The following ARHGAP6 variants were observed in gnomAD, a reference collection of about 807,000 sequenced individuals.
The protein encoded by ARHGAP6 is rho GTPase-activating protein 6.
Under a neutral mutation model 55.7 loss-of-function variants are expected in ARHGAP6, and 16 were observed. The observed-to-expected ratio is 0.29, with a 90% CI of 0.19 to 0.44. The LOEUF (loss-of-function observed/expected upper bound fraction) is 0.44. Among genes scored for constraint, ARHGAP6 ranks in the 20% least tolerant of loss-of-function variants. The probability of loss-of-function intolerance (pLI) is 1.00; values close to 1 mark genes in which losing one functional copy is unlikely to be tolerated. For missense variants in ARHGAP6, 698 were observed against 808.9 expected, an observed-to-expected ratio of 0.86 and a Z score of 1.66; for synonymous variants, 382 against 360.9, an observed-to-expected ratio of 1.06 and a Z score of -0.66.
chrX:11,183,954 TTTCTC>T (rs1045500296), intron 5 of ARHGAP6, among the ~76,000 whole-genome samples: 1 of 111,917 alleles, frequency 8.9e-6, no homozygotes, highest in African/African-American at 3.2e-5. Flanking sequence ...GGTGGCTCAT[TTTCTC>T]TTCATTTGAG....
intron 1 of ARHGAP6, among the ~76,000 whole-genome samples, chrX:11,408,876 T>C (rs1379140632): frequency 3.7e-5 from 4 of 109,116 alleles, no homozygotes; most frequent in Non-Finnish European, 5.7e-5. Flanking sequence ...TTTTTCTAAT[T>C]GAGGAAATTG....
intron 1 of ARHGAP6, among the ~76,000 whole-genome samples, chrX:11,488,379 A>G (rs1003594979): frequency 8.9e-6 from 1 of 112,098 alleles, no homozygotes; most frequent in African/African-American, 3.2e-5. Context: ...TTAGAGAAAA[A>G]GTTCCTTATA....
rs990012107 is a variant in ARHGAP6 at position 11,462,730 on chromosome X, T to C, written c.588+201511A>G. ...GGCTTTACCTGCATGGGATTCAAAT[T>C]TATAATGTTGTGTGGTAAGGATTCT... On this transcript the variant is annotated intron_variant, in intron 1 of 12. Coordinates refer to ENST00000337414, the MANE Select transcript of ARHGAP6 (RefSeq NM_013427.3). Among the ~76,000 whole-genome samples the C allele has an allele frequency of 2.7e-5, 3 of 112,183 alleles. No individual in the cohort carries two copies. In the Admixed American group the frequency reaches 2.8e-4, roughly 11 times the overall value.
intron 1 of ARHGAP6, among the ~76,000 whole-genome samples, chrX:11,364,551 C>A (rs1002751899): frequency 1.8e-5 from 2 of 110,618 alleles, no homozygotes; most frequent in African/African-American, 3.3e-5. Context: ...GGGTAGATGA[C>A]CCATCCCGGC....
intron 1 of ARHGAP6, among the ~76,000 whole-genome samples, chrX:11,326,313 A>G (rs1475233728): frequency 9.0e-6 from 1 of 110,576 alleles, no homozygotes; most frequent in Non-Finnish European, 1.9e-5. Flanking sequence ...GTTTTAGTAG[A>G]AAAAGGATTT....
In ARHGAP6 at chrX:11,276,725, T is replaced by G. The variant is rs377299013; in HGVS notation, c.589-22018A>C. Among the ~76,000 whole-genome samples, 5 of 112,378 alleles carry G rather than the reference T, an allele frequency of 4.4e-5. No homozygotes were observed. The East Asian group carries it at 1.4e-3, about 31-fold the overall frequency. ...TTTCAAAAATGTTTTCTCCTCAATA[T>G]ACGACTTTTAAAATGATAAATTACA... On this transcript the variant is annotated intron_variant, in intron 1 of 12. Transcript: ENST00000337414.
At chrX:11,157,621 G>C (rs1307168005) in intron 9 of ARHGAP6, among the ~76,000 whole-genome samples, 1 of 112,093 alleles carries the variant, frequency 8.9e-6, no homozygotes, top group Non-Finnish European at 1.9e-5. Flanking sequence ...AAACTATTGA[G>C]AGAAAATAAA....
intron 9 of ARHGAP6, 101 bp downstream of exon 9, chrX:11,169,404 G>C (rs2046057948): frequency 1.1e-5 from 9 of 829,950 alleles, no homozygotes; most frequent in Non-Finnish European, 1.3e-5. Context: ...TCAGTGAGCA[G>C]CACTGCACCC....
chrX:11,652,054 T>A (rs1258286700), intron 1 of ARHGAP6, among the ~76,000 whole-genome samples: 1 of 112,393 alleles, frequency 8.9e-6, no homozygotes, highest in South Asian at 3.6e-4. Flanking sequence ...CAGATGCATA[T>A]ATTGCAAAAA....
intron 1 of ARHGAP6, among the ~76,000 whole-genome samples, chrX:11,501,304 C>T (rs1281857214): frequency 9.0e-6 from 1 of 111,378 alleles, no homozygotes; most frequent in Non-Finnish European, 1.9e-5. Flanking sequence ...TACAGAATTA[C>T]CTGGGTGTGA....
intron 2 of ARHGAP6, among the ~76,000 whole-genome samples, chrX:11,213,193 C>T (rs1396446828): frequency 8.8e-6 from 1 of 113,110 alleles, no homozygotes; most frequent in Non-Finnish European, 1.9e-5. Context: ...CACCCTTGCC[C>T]CTTTGGGTGC....
chrX:11,552,334 G>A (rs920745144), intron 1 of ARHGAP6, among the ~76,000 whole-genome samples: 1 of 106,691 alleles, frequency 9.4e-6, no homozygotes, highest in Admixed American at 1.0e-4. Flanking sequence ...ATGTAACTTT[G>A]AACAGCCAAT....
At chrX:11,161,700 G>T (rs758009496) in intron 9 of ARHGAP6, among the ~76,000 whole-genome samples, 44 of 112,277 alleles carry the variant, frequency 3.9e-4, no homozygotes, top group African/African-American at 1.3e-3. Flanking sequence ...AATAAAAGCA[G>T]ATAACATGGA....
intron 10 of ARHGAP6, among the ~76,000 whole-genome samples, chrX:11,145,459 A>G (rs1196036260): frequency 9.0e-6 from 1 of 111,686 alleles, no homozygotes; most frequent in Non-Finnish European, 1.9e-5. Flanking sequence ...TGCTGAGGAC[A>G]TTTCCTACCA....
intron 2 of ARHGAP6, among the ~76,000 whole-genome samples, chrX:11,218,106 T>C (rs2046907714): frequency 8.9e-6 from 1 of 112,165 alleles, no homozygotes; most frequent in Admixed American, 9.5e-5. Flanking sequence ...GCTGTTTTGG[T>C]TACTGTAGCC....
At position 11,346,922 on chromosome X, in the gene ARHGAP6, AAAACAAAC is replaced by A. The variant is rs762899705; in HGVS notation, c.589-92223_589-92216del. Among the ~76,000 whole-genome samples the A allele has an allele frequency of 2.1e-3, 232 of 108,354 alleles. 1 individual carries two copies. The highest frequency in any genetic ancestry group is 5.7e-3 in the East Asian group (20 of 3,503). The allele number at this position is 108,354 out of a possible 115,157, so 94.1% of individuals were successfully genotyped here. A position where few individuals can be genotyped will look rare whatever the true frequency, so the allele number is the denominator to read the frequency against. Reference sequence around the variant, plus strand: ...CAAATATTGTCACCTTTTCTCTTGAAAAACAAACAAACAAACAAACAAACAAACAAACA... The same window carrying A: ...CAAATATTGTCACCTTTTCTCTTGAAAAACAAACAAACAAACAAACAAACA... On this transcript the variant is annotated intron_variant, in intron 1 of 12. Transcript: ENST00000337414.
At chrX:11,620,974 C>T (rs967429367) in intron 1 of ARHGAP6, among the ~76,000 whole-genome samples, 22 of 112,246 alleles carry the variant, frequency 2.0e-4, no homozygotes, top group African/African-American at 6.8e-4. Context: ...TCTGTCTAGA[C>T]AAAGATCTGA....
chrX:11,398,341 C>T (rs1189693219), intron 1 of ARHGAP6, among the ~76,000 whole-genome samples: 1 of 106,954 alleles, frequency 9.3e-6, no homozygotes, highest in African/African-American at 3.4e-5. Context: ...AAGAGTTTTA[C>T]TCATCTATAT....
chrX:11,571,125 A>G (rs1022243727), intron 1 of ARHGAP6, among the ~76,000 whole-genome samples: 7 of 112,109 alleles, frequency 6.2e-5, no homozygotes, highest in East Asian at 2.8e-4. Flanking sequence ...AGTGAGAAAT[A>G]AAATTCTGTT....
Sources: gnomAD v4.1 joint callset for allele counts (sites outside exome capture counted in the v4.1 genomes callset) on GRCh38, gnomAD v4.1.1 for gene constraint, MANE v1.5 for transcripts, NCBI Gene and HGNC (gene_info 2026-07-23, HGNC 2026-07-21) for gene names.